The following RTN4RL1 variants were observed in gnomAD, a reference collection of about 807,000 sequenced individuals.
The protein encoded by RTN4RL1 is reticulon-4 receptor-like 1.
A neutral mutation model predicts 25.6 loss-of-function variants in RTN4RL1; 7 were observed. That is an observed-to-expected ratio of 0.27 (90% CI 0.16 to 0.51). The LOEUF (loss-of-function observed/expected upper bound fraction) is 0.51. Ranked by LOEUF, RTN4RL1 falls within the 20% of genes least tolerant of loss-of-function variation. RTN4RL1 has a pLI of 0.97. For missense variants in RTN4RL1, 500 were observed against 615.6 expected, an observed-to-expected ratio of 0.81 and a Z score of 1.99; for synonymous variants, 297 against 288.2, an observed-to-expected ratio of 1.03 and a Z score of -0.31.
intron 1 of RTN4RL1, among the ~76,000 whole-genome samples, chr17:1,947,018 GTC>G (rs1167319763): frequency 6.3e-4 from 34 of 53,678 alleles, no homozygotes; most frequent in African/African-American, 1.5e-3. Context: ...GTGTGAATGT[GTC>G]TGTGTGTGCA....
At chr17:1,995,798 G>C (rs1295866894) in intron 1 of RTN4RL1, 1 of 152,222 alleles carries the variant, frequency 6.6e-6, no homozygotes, top group African/African-American at 2.4e-5. Flanking sequence ...CCTATGTGCC[G>C]AGCAACCCAT....
intron 1 of RTN4RL1, chr17:2,020,631 G>A (rs1783530489): frequency 1.3e-5 from 2 of 152,166 alleles, no homozygotes; most frequent in African/African-American, 4.8e-5. Context: ...AATTATTCAG[G>A]GATGGCATTA....
intron 1 of RTN4RL1, among the ~76,000 whole-genome samples, chr17:1,995,131 T>G (rs569798789): frequency 2.0e-5 from 3 of 152,066 alleles, no homozygotes; most frequent in Admixed American, 6.5e-5. Context: ...AAGGTAGGCA[T>G]GGGGCCGAGT....
rs1437132550 is a variant in RTN4RL1, at chr17:1,994,811, C to T, written c.13+30042G>A. On this transcript the variant is annotated intron_variant, in intron 1 of 1. Coordinates refer to ENST00000331238, the MANE Select transcript of RTN4RL1 (RefSeq NM_178568.4). This position sits in a 1 kb window ranked among gnomAD's most constrained non-coding sequence, Gnocchi z 4.3. ...AAGGAGGCTTATAAAGATTAAATGA[C>T]GGCCAGGTGCAGTGGCTCATACCTG... Among the ~76,000 whole-genome samples, 1 of 152,024 alleles carries T rather than the reference C, an allele frequency of 6.6e-6. No homozygotes were observed. Among genetic ancestry groups the T allele is most frequent in the Non-Finnish European group, 1.5e-5 (1 of 68,008 alleles).
chr17:1,950,653 C>T (rs555744243), intron 1 of RTN4RL1, among the ~76,000 whole-genome samples: 1 of 150,728 alleles, frequency 6.6e-6, no homozygotes, highest in Non-Finnish European at 1.5e-5. Flanking sequence ...TTGAGACCAG[C>T]CTGGTCAACA....
chr17:1,955,675 C>T (rs942311800), intron 1 of RTN4RL1, among the ~76,000 whole-genome samples: 4 of 151,842 alleles, frequency 2.6e-5, no homozygotes, highest in African/African-American at 9.7e-5. Flanking sequence ...CCTCCACCTC[C>T]CGGGTTCAAG....
chr17:2,007,503 C>T (rs759440957), intron 1 of RTN4RL1, among the ~76,000 whole-genome samples: 2 of 152,182 alleles, frequency 1.3e-5, no homozygotes, highest in South Asian at 2.1e-4. Context: ...AGGCCTTGGC[C>T]TCTCATTCTG....
At chr17:1,980,753 C>A (rs1017337948) in intron 1 of RTN4RL1, among the ~76,000 whole-genome samples, 1 of 151,208 alleles carries the variant, frequency 6.6e-6, no homozygotes, top group African/African-American at 2.4e-5. Flanking sequence ...CATGGAGAAA[C>A]CCCGTCTCTA....
Position 1,996,748 on chromosome 17 carries a change from G to C in RTN4RL1, c.13+28105C>G, listed in dbSNP as rs115688835. ...TGGCGGAGATATCAGATCTGAAATT[G>C]TTTCAAAAAACATGTCAACATTTTC... On this transcript the variant is annotated intron_variant, in intron 1 of 1. Transcript: ENST00000331238. Among the ~76,000 whole-genome samples, 377 of 152,258 alleles carry C rather than the reference G, an allele frequency of 2.5e-3. 1 individual carries two copies. Among genetic ancestry groups the C allele is most frequent in the African/African-American group, 8.7e-3 (361 of 41,556 alleles).
At chr17:1,999,691 C>CGCACAG (rs1045008993) in intron 1 of RTN4RL1, among the ~76,000 whole-genome samples, 1 of 151,706 alleles carries the variant, frequency 6.6e-6, no homozygotes, top group African/African-American at 2.4e-5. Flanking sequence ...CACACACACA[C>CGCACAG]GCACAGGCAC....
intron 1 of RTN4RL1, among the ~76,000 whole-genome samples, chr17:1,943,638 A>C (rs1047164132): frequency 1.3e-5 from 2 of 152,206 alleles, no homozygotes; most frequent in African/African-American, 2.4e-5. Flanking sequence ...GCCTCAGGCC[A>C]GGCCGGCTGC....
chr17:1,997,785 C>A (rs1307493394), intron 1 of RTN4RL1, among the ~76,000 whole-genome samples: 1 of 152,256 alleles, frequency 6.6e-6, no homozygotes, highest in Non-Finnish European at 1.5e-5. Context: ...GGAGGTCAGG[C>A]CTGAGCCGGG....
At chr17:2,022,040 T>C (rs949334307) in intron 1 of RTN4RL1, among the ~76,000 whole-genome samples, 1 of 149,726 alleles carries the variant, frequency 6.7e-6, no homozygotes, top group African/African-American at 2.5e-5. Context: ...TTTGGCCGGG[T>C]GCAGTGACTC....
chr17:1,947,175 TCTGTGTGA>T (rs1176477172), intron 1 of RTN4RL1, among the ~76,000 whole-genome samples: 2 of 150,836 alleles, frequency 1.3e-5, no homozygotes, highest in Non-Finnish European at 2.9e-5. Context: ...TGTGTGCGTC[TCTGTGTGA>T]CTGTGTGTCT....
At chr17:2,010,339 C>T (rs1017582104) in intron 1 of RTN4RL1, among the ~76,000 whole-genome samples, 2 of 151,960 alleles carry the variant, frequency 1.3e-5, no homozygotes, top group Non-Finnish European at 2.9e-5. Context: ...TAGCCAGGCA[C>T]GATGGCAGGC....
intron 1 of RTN4RL1, among the ~76,000 whole-genome samples, chr17:1,963,706 T>C (rs983241220): frequency 6.6e-6 from 1 of 152,180 alleles, no homozygotes; most frequent in African/African-American, 2.4e-5. Context: ...AGCTTCCGGG[T>C]GCAATCTGCC....
rs1427559014 is a variant in RTN4RL1 at position 1,936,832 on chromosome 17, G to C, written c.990C>G (p.His330Gln). 6.3e-7 allele frequency: 1 copy of C among 1,586,350 alleles called. No homozygotes were observed. The highest frequency in any genetic ancestry group is 1.3e-5 in the African/African-American group (1 of 74,084). Residue 330 changes from histidine (H) to glutamine (Q), a missense_variant, in exon 2 of 2, where the codon CAC becomes CAG. This residue lies in a region of RTN4RL1 where 268 missense variants were observed against 274.5 expected (regional missense o/e 0.98). Coordinates refer to ENST00000331238, the MANE Select transcript of RTN4RL1 (RefSeq NM_178568.4). ...TTDRAARKEH[H>Q]SPHGPTRSKG... is the part of the protein sequence containing the mutation. ...TGCTCCTGGTGGGGCCGTGGGGTGAGTGGTGTTCCTTGCGGGCGGCCCTGT... is the reference window on the plus strand; with the variant it reads ...TGCTCCTGGTGGGGCCGTGGGGTGACTGGTGTTCCTTGCGGGCGGCCCTGT...
intron 1 of RTN4RL1, among the ~76,000 whole-genome samples, chr17:1,946,738 T>C (rs1915553599): frequency 6.7e-6 from 1 of 148,902 alleles, no homozygotes. Context: ...AATATGTGTG[T>C]GCACGGGGTC....
chr17:1,951,356 G>A (rs774064498), intron 1 of RTN4RL1, among the ~76,000 whole-genome samples: 1 of 152,164 alleles, frequency 6.6e-6, no homozygotes, highest in African/African-American at 2.4e-5. Context: ...GAGGGGAAAG[G>A]AGGAGTCAGC....
Sources: allele counts gnomAD v4.1 joint callset (sites outside exome capture counted in the v4.1 genomes callset), GRCh38; gene constraint gnomAD v4.1.1; regional missense constraint gnomAD v4.1.1; non-coding constraint Gnocchi (gnomAD v3.1); transcripts MANE v1.5; gene names NCBI Gene and HGNC (gene_info 2026-07-23, HGNC 2026-07-21).